Variants in SRD5A2 observed in about 807,000 individuals in gnomAD.
SRD5A2 encodes the protein 3-oxo-5-alpha-steroid 4-dehydrogenase 2.
A neutral mutation model predicts 27.4 loss-of-function variants in SRD5A2; 30 were observed. That is an observed-to-expected ratio of 1.10 (90% CI 0.82 to 1.49). The LOEUF (loss-of-function observed/expected upper bound fraction) is 1.49, where lower values mean the gene tolerates loss of function less well. Ranked by LOEUF, SRD5A2 falls within the 40% of genes most tolerant of loss-of-function variation. SRD5A2 has a pLI of 0.00. For missense variants in SRD5A2, 348 were observed against 323.4 expected, an observed-to-expected ratio of 1.08 and a Z score of -0.58; for synonymous variants, 141 against 133.6, an observed-to-expected ratio of 1.06 and a Z score of -0.38.
chr2:31,637,673 G>C, the SRD5A2 span, among the ~76,000 whole-genome samples: 1 of 151,918 alleles, frequency 6.6e-6, no homozygotes, highest in African/African-American at 2.4e-5. Context: ...ATACACTGTT[G>C]CTCAGATAAA....
At chr2:31,557,827 C>CA (rs1350683422) in intron 1 of SRD5A2, among the ~76,000 whole-genome samples, 1 of 152,170 alleles carries the variant, frequency 6.6e-6, no homozygotes, top group Non-Finnish European at 1.5e-5. Flanking sequence ...TTCTCCTGAA[C>CA]AAAAAGGAAC....
At chr2:31,563,915 C>CA (rs1666677337) in intron 1 of SRD5A2, among the ~76,000 whole-genome samples, 2 of 152,046 alleles carry the variant, frequency 1.3e-5, no homozygotes, top group African/African-American at 4.8e-5. Flanking sequence ...CAAATCAGAT[C>CA]AAAGCCTGAA....
Position 31,524,913 on chromosome 2 carries a change from A to G in SRD5A2, c.*1283T>C, listed in dbSNP as rs1665739679. 4.4e-6 allele frequency: 1 copy of G among 225,434 alleles called. No homozygotes were observed. The highest frequency in any genetic ancestry group is 8.8e-6 in the Non-Finnish European group (1 of 113,162). 14.0% of individuals were successfully genotyped at this position (225,434 alleles called of 1,614,324 possible). ...GAGTTTGCAAACTCAAATGCTTACT[A>G]GCTACGTAGTTCCAGTTCTGGTGTG... On this transcript the variant is annotated 3_prime_UTR_variant, in exon 5 of 5. Transcript: ENST00000622030.
At chr2:31,615,103 T>C in the SRD5A2 span, among the ~76,000 whole-genome samples, 1 of 152,178 alleles carries the variant, frequency 6.6e-6, no homozygotes, top group East Asian at 1.9e-4. Flanking sequence ...AAATTTCTTT[T>C]TAAAAAATAA....
intron 1 of SRD5A2, among the ~76,000 whole-genome samples, chr2:31,574,281 G>A (rs888941217): frequency 1.3e-5 from 2 of 152,172 alleles, no homozygotes; most frequent in Non-Finnish European, 2.9e-5. Flanking sequence ...ACTCCCATGA[G>A]ACCTAGCATA....
At chr2:31,530,884 T>G (rs1369320500) in intron 3 of SRD5A2, among the ~76,000 whole-genome samples, 1 of 152,204 alleles carries the variant, frequency 6.6e-6, no homozygotes, top group African/African-American at 2.4e-5. Flanking sequence ...AAGTTTTGAT[T>G]AAGTAAATAT....
chr2:31,552,181 T>C (rs1026216038), intron 1 of SRD5A2, among the ~76,000 whole-genome samples: 24 of 150,134 alleles, frequency 1.6e-4, no homozygotes, highest in African/African-American at 5.6e-4. Flanking sequence ...CAAAATACCT[T>C]TGTGAGACTA....
At chr2:31,641,380 G>A in the SRD5A2 span, among the ~76,000 whole-genome samples, 2 of 152,158 alleles carry the variant, frequency 1.3e-5, no homozygotes, top group Non-Finnish European at 2.9e-5. Context: ...ATAATTCTAT[G>A]TGCAGTAAAA....
the SRD5A2 span, among the ~76,000 whole-genome samples, chr2:31,627,550 T>C: frequency 6.6e-6 from 1 of 152,054 alleles, no homozygotes; most frequent in African/African-American, 2.4e-5. Context: ...GTTCCTCTAG[T>C]TGTGATGTTG....
chr2:31,532,278 G>A (rs1354024387), intron 2 of SRD5A2, among the ~76,000 whole-genome samples: 1 of 151,846 alleles, frequency 6.6e-6, no homozygotes, highest in East Asian at 1.9e-4. Flanking sequence ...ACGCATTCCT[G>A]ACTGAAACAC....
At chr2:31,643,482 AT>A in the SRD5A2 span, among the ~76,000 whole-genome samples, 371 of 151,174 alleles carry the variant, frequency 2.5e-3, 1 homozygote, top group Non-Finnish European at 4.3e-3. Context: ...ATATCTGTGT[AT>A]TTTTTTTTAG....
At chr2:31,548,275 A>C (rs562463223) in intron 1 of SRD5A2, among the ~76,000 whole-genome samples, 2 of 152,192 alleles carry the variant, frequency 1.3e-5, no homozygotes, top group Non-Finnish European at 2.9e-5. Flanking sequence ...AAAATTGTAC[A>C]TCAAAGACAC....
At chr2:31,622,404 T>C in the SRD5A2 span, among the ~76,000 whole-genome samples, 2 of 152,236 alleles carry the variant, frequency 1.3e-5, no homozygotes, top group South Asian at 4.2e-4. Context: ...CCATGCCTTT[T>C]CTATTATAAA....
intron 1 of SRD5A2, among the ~76,000 whole-genome samples, chr2:31,547,859 C>CTA: frequency 6.9e-6 from 1 of 144,718 alleles, no homozygotes; most frequent in East Asian, 2.0e-4. Context: ...CCGCCTCTCT[C>CTA]TACATAGATA....
intron 3 of SRD5A2, among the ~76,000 whole-genome samples, chr2:31,530,566 T>C (rs1187122589): frequency 6.6e-6 from 1 of 152,240 alleles, no homozygotes; most frequent in Non-Finnish European, 1.5e-5. Flanking sequence ...TTTGAATCTG[T>C]TACTGAATTC....
In SRD5A2 at chr2:31,539,402, A is replaced by G. The variant is rs79192636; in HGVS notation, c.282-5636T>C. 7.0e-3 allele frequency among the ~76,000 whole-genome samples: 1,067 copies of G among 152,356 alleles called. 16 individuals are homozygous for G. Among genetic ancestry groups the G allele is most frequent in the African/African-American group, 0.024 (1,005 of 41,570 alleles). The stretch of plus-strand genomic sequence containing the variant: ...ACTTTTAGAATATAGTTGCTTTGTT[A>G]TAACAAACACCACAGAAAAACTGGC... On this transcript the variant is annotated intron_variant, in intron 1 of 4. Transcript: ENST00000622030.
At chr2:31,550,233 T>C (rs1666356585) in intron 1 of SRD5A2, among the ~76,000 whole-genome samples, 1 of 152,070 alleles carries the variant, frequency 6.6e-6, no homozygotes, top group Non-Finnish European at 1.5e-5. Flanking sequence ...AGGTAATTTA[T>C]TTCTTAATTT....
the SRD5A2 span, among the ~76,000 whole-genome samples, chr2:31,661,497 T>A: frequency 6.6e-6 from 1 of 152,308 alleles, no homozygotes; most frequent in South Asian, 2.1e-4. Context: ...GGCTGTTTGA[T>A]ATACAACCAT....
the SRD5A2 span, among the ~76,000 whole-genome samples, chr2:31,656,813 G>T: frequency 6.6e-6 from 1 of 152,148 alleles, no homozygotes; most frequent in Non-Finnish European, 1.5e-5. Context: ...AACAGACTAA[G>T]GTGGTCATAT....
Sources: gnomAD v4.1 joint callset for allele counts (sites outside exome capture counted in the v4.1 genomes callset) on GRCh38, gnomAD v4.1.1 for gene constraint, MANE v1.5 for transcripts, NCBI Gene and HGNC (gene_info 2026-07-23, HGNC 2026-07-21) for gene names.